CNKSR2: variants seen among roughly 807,000 people sequenced by gnomAD.
CNKSR2 encodes the protein CNK homolog protein 2.
In CNKSR2, 14 loss-of-function variants were observed where a neutral mutation model predicts 84.4. The observed-to-expected ratio is 0.17, with a 90% CI of 0.11 to 0.26. CNKSR2 has a LOEUF of 0.26. CNKSR2 is among the 10% of genes least tolerant of loss of function. The probability of loss-of-function intolerance (pLI) is 1.00; values close to 1 mark genes in which losing one functional copy is unlikely to be tolerated. For synonymous variants in CNKSR2, 275 were observed against 277.9 expected (o/e 0.99, Z 0.10); for missense variants, 485 against 771.2 (o/e 0.63, Z 4.40).
At chrX:21,560,963 T>G (rs1192927765) in intron 11 of CNKSR2, among the ~76,000 whole-genome samples, 1 of 110,572 alleles carries the variant, frequency 9.0e-6, no homozygotes, top group African/African-American at 3.3e-5. Context: ...GGCATGGTGG[T>G]GTCCAAAATG....
At chrX:21,593,303 A>C (rs2092432051) in intron 15 of CNKSR2, 1 of 112,269 alleles carries the variant, frequency 8.9e-6, no homozygotes, top group Non-Finnish European at 1.9e-5. Context: ...AAAAAGTTTA[A>C]TACTACTCTT....
Position 21,654,288 on chromosome X carries a change from A to AAAC in CNKSR2, c.*1769_*1770insCAA, listed in dbSNP as rs1555967979. 7.5e-5 allele frequency: 8 copies of AAAC among 106,810 alleles called. No individual in the cohort carries two copies. The highest frequency in any genetic ancestry group is 2.7e-4 in the African/African-American group (8 of 29,463). 8.8% of individuals were successfully genotyped at this position (106,810 alleles called of 1,213,427 possible). On this transcript the variant is annotated 3_prime_UTR_variant, in exon 22 of 22. Transcript: ENST00000379510. ...TTGTATATGTAAAAAAAAAAAAAAA[A>AAAC]AAAAAACAAAAAACCTCTTGTCCTA...
intron 11 of CNKSR2, among the ~76,000 whole-genome samples, chrX:21,550,091 C>T (rs1231230684): frequency 1.8e-5 from 2 of 111,939 alleles, no homozygotes; most frequent in African/African-American, 6.5e-5. Flanking sequence ...AACTAAAGAG[C>T]TTCTGACAGG....
intron 20 of CNKSR2, among the ~76,000 whole-genome samples, chrX:21,616,625 A>G (rs952427378): frequency 8.9e-6 from 1 of 111,762 alleles, no homozygotes; most frequent in Non-Finnish European, 1.9e-5. Flanking sequence ...CACATTCTCT[A>G]TGATTGAAAC....
intron 13 of CNKSR2, among the ~76,000 whole-genome samples, chrX:21,568,742 G>A (rs779241173): frequency 6.5e-4 from 72 of 111,399 alleles, no homozygotes; most frequent in Non-Finnish European, 1.2e-3. Context: ...AATGCTGTGA[G>A]GAAGCTCAGT....
chrX:21,464,351 T>C (rs941956429), intron 4 of CNKSR2, among the ~76,000 whole-genome samples: 1 of 112,191 alleles, frequency 8.9e-6, no homozygotes, highest in Non-Finnish European at 1.9e-5. Context: ...AAAGGGGGCA[T>C]TGGCAATTGA....
At chrX:21,479,035 C>A (rs764888112) in intron 5 of CNKSR2, among the ~76,000 whole-genome samples, 6 of 111,565 alleles carry the variant, frequency 5.4e-5, no homozygotes, top group African/African-American at 2.0e-4. Context: ...ACCATTAAGT[C>A]ATTTCTTACC....
Position 21,476,131 on chromosome X carries a change from A to G in CNKSR2, c.561+5324A>G, listed in dbSNP as rs1894145268. Among the ~76,000 whole-genome samples, 3 of 111,007 alleles carry G rather than the reference A, an allele frequency of 2.7e-5. No individual in the cohort carries two copies. The South Asian group carries it at 1.1e-3, about 42-fold the overall frequency. The stretch of plus-strand genomic sequence containing the variant: ...GGTAAGAGGAGAGGAAGTATCCTCT[A>G]ATATATTAGAAGAAAATCCTTCCAC... On this transcript the variant is annotated intron_variant, in intron 5 of 21. Transcript: ENST00000379510.
At chrX:21,609,022 A>C (rs1339746730) in intron 19 of CNKSR2, 49 bp from the exon 20 acceptor site, 1 of 1,154,313 alleles carries the variant, frequency 8.7e-7, no homozygotes, top group African/African-American at 1.8e-5. Context: ...CTTGGAATGG[A>C]AGTGGTCTGT....
chrX:21,578,384 T>G (rs984127033), intron 13 of CNKSR2, among the ~76,000 whole-genome samples: 1 of 110,797 alleles, frequency 9.0e-6, no homozygotes, highest in Non-Finnish European at 1.9e-5. Flanking sequence ...GAGTTCAGCA[T>G]TAAGAAGAGA....
intron 13 of CNKSR2, among the ~76,000 whole-genome samples, chrX:21,584,338 A>G (rs1319943125): frequency 8.9e-6 from 1 of 112,564 alleles, no homozygotes; most frequent in East Asian, 2.8e-4. Flanking sequence ...TTTGTTCAAC[A>G]TCCATTCACA....
chrX:21,436,854 T>C (rs182671234), intron 3 of CNKSR2, among the ~76,000 whole-genome samples: 8 of 111,426 alleles, frequency 7.2e-5, no homozygotes, highest in African/African-American at 2.6e-4. Flanking sequence ...GAGCCCCACC[T>C]GACCTTTTAC....
chrX:21,445,633 C>T (rs1280138914), intron 4 of CNKSR2, among the ~76,000 whole-genome samples: 4 of 111,503 alleles, frequency 3.6e-5, no homozygotes, highest in African/African-American at 1.3e-4. Flanking sequence ...CTAATAACCA[C>T]AATCTACTCT....
chrX:21,451,814 A>G lies in CNKSR2; in HGVS notation c.519+11033A>G, dbSNP rs185827843. On this transcript the variant is annotated intron_variant, in intron 4 of 21. Transcript: ENST00000379510. ...GTATACGTATGTAACTAACCTGCAC[A>G]TTGTGCACGTGTACCCTAAAACTTA... Among the ~76,000 whole-genome samples the G allele has an allele frequency of 6.8e-4, 75 of 109,644 alleles. 1 individual carries two copies. Among genetic ancestry groups the G allele is most frequent in the African/African-American group, 2.0e-3 (59 of 30,168 alleles).
intron 11 of CNKSR2, among the ~76,000 whole-genome samples, chrX:21,539,306 G>A (rs771484627): frequency 5.4e-5 from 6 of 111,124 alleles, no homozygotes; most frequent in Non-Finnish European, 1.1e-4. Flanking sequence ...TCAGTTGTAT[G>A]TTTTTATTTC....
chrX:21,646,216 T>G (rs1383069717), intron 20 of CNKSR2, among the ~76,000 whole-genome samples: 2 of 111,407 alleles, frequency 1.8e-5, no homozygotes, highest in African/African-American at 6.5e-5. Flanking sequence ...TGTTTCTGTG[T>G]TCCGTCTCAT....
At chrX:21,397,813 A>T (rs1445416669) in intron 1 of CNKSR2, among the ~76,000 whole-genome samples, 3 of 111,969 alleles carry the variant, frequency 2.7e-5, no homozygotes, top group African/African-American at 9.7e-5. Context: ...CCCTGATTTG[A>T]TCATTACATT....
At chrX:21,592,111 T>C (rs1313492568) in intron 15 of CNKSR2, 1 of 112,029 alleles carries the variant, frequency 8.9e-6, no homozygotes. Flanking sequence ...TTATGTTCCC[T>C]AGACAGGTTA....
At chrX:21,528,336 T>C (rs1416689206) in intron 10 of CNKSR2, among the ~76,000 whole-genome samples, 1 of 111,349 alleles carries the variant, frequency 9.0e-6, no homozygotes, top group Non-Finnish European at 1.9e-5. Flanking sequence ...TTTGGAAAGA[T>C]TTTTATTTCA....
Sources: gnomAD v4.1 joint callset for allele counts (sites outside exome capture counted in the v4.1 genomes callset) on GRCh38, gnomAD v4.1.1 for gene constraint, MANE v1.5 for transcripts, NCBI Gene and HGNC (gene_info 2026-07-23, HGNC 2026-07-21) for gene names.